The following PCDHGC4 variants were observed in gnomAD, a reference collection of about 807,000 sequenced individuals.
PCDHGC4 encodes the protein protocadherin gamma subfamily C, 4.
Under a neutral mutation model 59.7 loss-of-function variants are expected in PCDHGC4, and 15 were observed. The observed-to-expected ratio is 0.25, with a 90% confidence interval of 0.17 to 0.39. PCDHGC4 has a LOEUF of 0.39. Among genes scored for constraint, PCDHGC4 ranks in the 10% least tolerant of loss-of-function variants. The pLI, the probability that PCDHGC4 is intolerant of heterozygous loss-of-function variation, is 1.00. For missense variants in PCDHGC4, 1,016 were observed against 1,189.5 expected, an observed-to-expected ratio of 0.85 and a Z score of 2.15; for synonymous variants, 434 against 481.4, an observed-to-expected ratio of 0.90 and a Z score of 1.29.
intron 2 of PCDHGC4, among the ~76,000 whole-genome samples, chr5:141,498,338 G>T (rs2237079): frequency 2.6e-5 from 4 of 151,600 alleles, no homozygotes; most frequent in Non-Finnish European, 5.9e-5. Flanking sequence ...CATTCCAAAT[G>T]GGAAAAGCCT....
At chr5:141,504,147 T>C (rs2099836026) in intron 2 of PCDHGC4, among the ~76,000 whole-genome samples, 1 of 152,198 alleles carries the variant, frequency 6.6e-6, no homozygotes, top group South Asian at 2.1e-4. Flanking sequence ...CCCCTGCAAA[T>C]TGAAATAATT....
intron 2 of PCDHGC4, among the ~76,000 whole-genome samples, chr5:141,495,587 C>T (rs1391263118): frequency 6.6e-6 from 1 of 152,238 alleles, no homozygotes. Context: ...TTCTCCATCT[C>T]TGTCTTAGCT....
chr5:141,488,751 C>T (rs1185515068), intron 1 of PCDHGC4, among the ~76,000 whole-genome samples: 1 of 152,154 alleles, frequency 6.6e-6, no homozygotes, highest in Non-Finnish European at 1.5e-5. Context: ...CAGGAAGTTG[C>T]TGGGACAGAA....
intron 3 of PCDHGC4, 69 bp from the exon 4 acceptor site, chr5:141,510,878 G>A (rs896348248): frequency 6.2e-7 from 1 of 1,610,438 alleles, no homozygotes; most frequent in African/African-American, 1.3e-5. Context: ...TTAACTGCTG[G>A]GGATATAAGA....
chr5:141,507,522 C>G (rs560304194), intron 3 of PCDHGC4, among the ~76,000 whole-genome samples: 365 of 152,096 alleles, frequency 2.4e-3, no homozygotes, highest in African/African-American at 8.1e-3. Context: ...GCTATGATTC[C>G]AGAGAGGCCA....
rs1427052612 is a variant in PCDHGC4 at position 141,493,002 on chromosome 5, A to G, written c.2443-1805A>G. Among the ~76,000 whole-genome samples, 4 of 152,246 alleles carry G rather than the reference A, an allele frequency of 2.6e-5. No individual in the cohort carries two copies. The highest frequency in any genetic ancestry group is 2.1e-4 in the South Asian group (1 of 4,832). On this transcript the variant is annotated intron_variant, in intron 1 of 3. Transcript: ENST00000306593. This position sits in a 1 kb window ranked among gnomAD's most constrained non-coding sequence, Gnocchi z 4.3. ...TCTCCTCTGGCAGATGGAAAGCTAT[A>G]GGCTCTGCCAGATGCCAGGGTGCCC... is the stretch of plus-strand genomic sequence containing the variant.
Position 141,491,466 on chromosome 5 carries a change from T to G in PCDHGC4, c.2443-3341T>G. The G allele has an allele frequency of 6.2e-7, 1 of 1,614,068 alleles. No individual in the cohort carries two copies. Among genetic ancestry groups the G allele is most frequent in the Non-Finnish European group, 8.5e-7 (1 of 1,179,986 alleles). ...AGGACTCACCCTCCCCGGACTTCTA[T>G]AAGCAGTCCAGCCCCAACCTGCAGG... On this transcript the variant is annotated intron_variant, in intron 1 of 3. Coordinates refer to ENST00000306593, the MANE Select transcript of PCDHGC4 (RefSeq NM_018928.3). This position sits in a 1 kb window ranked among gnomAD's most constrained non-coding sequence, Gnocchi z 6.9.
intron 2 of PCDHGC4, among the ~76,000 whole-genome samples, chr5:141,499,209 C>G (rs1171702973): frequency 6.6e-6 from 1 of 152,096 alleles, no homozygotes; most frequent in Admixed American, 6.5e-5. Context: ...GGCTGTAACC[C>G]AGGCCCTGCC....
rs767547572 is a variant in PCDHGC4 at position 141,505,495 on chromosome 5, G to C, written c.2590+14G>C. On this transcript the variant is annotated intron_variant, in intron 3 of 3. Coordinates refer to ENST00000306593, the MANE Select transcript of PCDHGC4 (RefSeq NM_018928.3). The stretch of plus-strand genomic sequence containing the variant: ...CGTCCGCCAGTGGTAAGTGGTGTCA[G>C]TGTGTGTATGGAAGAGTGGGAGACC... 5 of 1,614,210 alleles carry C rather than the reference G, an allele frequency of 3.1e-6. No individual in the cohort carries two copies. Among genetic ancestry groups the C allele is most frequent in the Non-Finnish European group, 4.2e-6 (5 of 1,180,000 alleles).
In PCDHGC4 at chr5:141,486,001, C is replaced by T. The variant is rs771993915; in HGVS notation, c.828C>T (p.Asn276=). ...ACCCGGACCTGGGTCCCAGTGGTAA[C>T]GTCACCTTTTATTTCAGTGGTCATA... ...ASDPDLGPSG[N]VTFYFSGHTP... The change falls in exon 1 of 4, where the codon AAC becomes AAT. Residue 276 remains asparagine (N), a synonymous_variant. Coordinates refer to ENST00000306593, the MANE Select transcript of PCDHGC4 (RefSeq NM_018928.3). This position sits in a 1 kb window ranked among gnomAD's most constrained non-coding sequence, Gnocchi z 5.0. The T allele has an allele frequency of 2.5e-6, 4 of 1,614,076 alleles. No homozygotes were observed. The highest frequency in any genetic ancestry group is 8.5e-7 in the Non-Finnish European group (1 of 1,180,032).
intron 2 of PCDHGC4, among the ~76,000 whole-genome samples, chr5:141,495,702 T>G (rs1462896403): frequency 6.6e-6 from 1 of 152,212 alleles, no homozygotes; most frequent in African/African-American, 2.4e-5. Context: ...TCAATAAATG[T>G]GGAGTGAGTA....
Position 141,491,826 on chromosome 5 carries a change from C to A in PCDHGC4, c.2443-2981C>A. 1 of 1,477,526 alleles carries A rather than the reference C, an allele frequency of 6.8e-7. No homozygotes were observed. The highest frequency in any genetic ancestry group is 9.0e-7 in the Non-Finnish European group (1 of 1,114,486). The allele number at this position is 1,477,526 out of a possible 1,614,324, so 91.5% of individuals were successfully genotyped here. A position where few individuals can be genotyped will look rare whatever the true frequency, so the allele number is the denominator to read the frequency against. ...GGCTTGGTCGCTGGCTGCGCTCCAC[C>A]CGATTCTCGGGATCATTGGACCGTT... On this transcript the variant is annotated intron_variant, in intron 1 of 3. Transcript: ENST00000306593. The surrounding 1 kb of genome is among the most constrained non-coding windows in gnomAD (Gnocchi z 6.9).
rs758216933 is a variant in PCDHGC4 at position 141,487,377 on chromosome 5, C to A, written c.2204C>A (p.Thr735Asn). The A allele has an allele frequency of 2.5e-6, 4 of 1,614,190 alleles. No individual in the cohort carries two copies. In the South Asian group the frequency reaches 3.3e-5, roughly 13 times the overall value. Residue 735 changes from threonine to asparagine, a missense_variant, in exon 1 of 4, where the codon ACC becomes AAC. Transcript: ENST00000306593. This position sits in a 1 kb window ranked among gnomAD's most constrained non-coding sequence, Gnocchi z 5.0. ...CCTGCTGGCACCTGTGCCTGTCTCA[C>A]CAGATCTCGAAGGAGGGAGGGGCTT... ...CFPAGTCACL[T>N]RSRRREGLPP...
chr5:141,498,578 G>T (rs1404493166), intron 2 of PCDHGC4, among the ~76,000 whole-genome samples: 1 of 152,048 alleles, frequency 6.6e-6, no homozygotes, highest in African/African-American at 2.4e-5. Flanking sequence ...CTAGTATTGA[G>T]TTCTTCAGTA....
intron 3 of PCDHGC4, among the ~76,000 whole-genome samples, chr5:141,508,937 G>T (rs764041162): frequency 3.0e-4 from 45 of 152,040 alleles, no homozygotes; most frequent in Non-Finnish European, 6.3e-4. Flanking sequence ...AGTTAATTAG[G>T]GAAAACAGAG....
chr5:141,490,405 ATC>A lies in PCDHGC4; in HGVS notation c.2442+2795_2442+2796del, dbSNP rs765446736. 1 of 1,614,142 alleles carries A rather than the reference ATC, an allele frequency of 6.2e-7. No individual in the cohort carries two copies. The highest frequency in any genetic ancestry group is 8.5e-7 in the Non-Finnish European group (1 of 1,180,028). ...TAGAAATGGTGAAGTGAGCCTTGATATCTCTCCGGACCTGCCATTTCAGATTA... is the reference window on the plus strand; with the variant it reads ...TAGAAATGGTGAAGTGAGCCTTGATATCTCCGGACCTGCCATTTCAGATTA... On this transcript the variant is annotated intron_variant, in intron 1 of 3. Transcript: ENST00000306593. The surrounding 1 kb of genome is among the most constrained non-coding windows in gnomAD (Gnocchi z 5.4).
In PCDHGC4 at chr5:141,489,117, T is replaced by A; in HGVS notation, c.2442+1502T>A. On this transcript the variant is annotated intron_variant, in intron 1 of 3. Coordinates refer to ENST00000306593, the MANE Select transcript of PCDHGC4 (RefSeq NM_018928.3). The surrounding 1 kb of genome is among the most constrained non-coding windows in gnomAD (Gnocchi z 4.5). ...AAGAACTGCTGCAAGCAGGCAAACCTCCGAGCAGTTTTTAAGAGGCTGGAA... is the reference window on the plus strand; with the variant it reads ...AAGAACTGCTGCAAGCAGGCAAACCACCGAGCAGTTTTTAAGAGGCTGGAA... The A allele has an allele frequency of 1.4e-5, 5 of 370,102 alleles. No homozygotes were observed. The highest frequency in any genetic ancestry group is 2.3e-5 in the Non-Finnish European group (5 of 214,436). 22.9% of individuals were successfully genotyped at this position (370,102 alleles called of 1,614,324 possible).
Position 141,491,075 on chromosome 5 carries a change from A to G in PCDHGC4, c.2442+3460A>G, listed in dbSNP as rs147291399. ...TGGCTCTCCTACTCACTGTTGCCAC[A>G]GTCCACAGCCCCAGGACTGTTCCTC... is the stretch of plus-strand genomic sequence containing the variant. On this transcript the variant is annotated intron_variant, in intron 1 of 3. Coordinates refer to ENST00000306593, the MANE Select transcript of PCDHGC4 (RefSeq NM_018928.3). This position sits in a 1 kb window ranked among gnomAD's most constrained non-coding sequence, Gnocchi z 6.9. 1.2e-6 allele frequency: 2 copies of G among 1,614,080 alleles called. No individual in the cohort carries two copies. Among genetic ancestry groups the G allele is most frequent in the Non-Finnish European group, 8.5e-7 (1 of 1,180,042 alleles).
At chr5:141,499,397 T>A (rs1171838687) in intron 2 of PCDHGC4, among the ~76,000 whole-genome samples, 2 of 152,122 alleles carry the variant, frequency 1.3e-5, no homozygotes, top group African/African-American at 4.8e-5. Flanking sequence ...AAATAGTACA[T>A]GCTCATTATA....
Sources: gnomAD v4.1 joint callset for allele counts (sites outside exome capture counted in the v4.1 genomes callset) on GRCh38, gnomAD v4.1.1 for gene constraint, Gnocchi (gnomAD v3.1) non-coding constraint, MANE v1.5 for transcripts, NCBI Gene and HGNC (gene_info 2026-07-23, HGNC 2026-07-21) for gene names.